Variants in ARHGAP21 observed in about 807,000 individuals in gnomAD.
The protein encoded by ARHGAP21 is rho GTPase-activating protein 21.
In ARHGAP21, 38 loss-of-function variants were observed where a neutral mutation model predicts 164.6. The observed-to-expected ratio is 0.23, with a 90% CI of 0.18 to 0.30. The LOEUF (loss-of-function observed/expected upper bound fraction) is 0.30, where lower values mean the gene tolerates loss of function less well. ARHGAP21 is among the 10% of genes least tolerant of loss of function. The pLI is 1.00. For missense variants in ARHGAP21, 1,822 were observed against 2,370.7 expected (o/e 0.77, Z 4.81); for synonymous variants, 766 against 857.9 (o/e 0.89, Z 1.87).
At chr10:24,663,978 G>A (rs1302067389) in intron 4 of ARHGAP21, among the ~76,000 whole-genome samples, 2 of 152,122 alleles carry the variant, frequency 1.3e-5, no homozygotes, top group African/African-American at 4.8e-5. Flanking sequence ...TACCTCCAGG[G>A]AGCAATATCA....
At chr10:24,688,939 C>G (rs1001638351) in intron 2 of ARHGAP21, among the ~76,000 whole-genome samples, 4 of 152,142 alleles carry the variant, frequency 2.6e-5, no homozygotes, top group African/African-American at 9.7e-5. Context: ...TAGCTTAGAA[C>G]AGAAATTCAA....
chr10:24,627,760 G>A (rs988743427), intron 7 of ARHGAP21, among the ~76,000 whole-genome samples: 1 of 152,146 alleles, frequency 6.6e-6, no homozygotes, highest in African/African-American at 2.4e-5. Flanking sequence ...TTTTCTTTAA[G>A]TGACCTCTTT....
chr10:24,593,532 C>T (rs775196507), intron 21 of ARHGAP21, among the ~76,000 whole-genome samples: 11 of 151,904 alleles, frequency 7.2e-5, no homozygotes, highest in South Asian at 2.1e-4. Flanking sequence ...CTGGTTCCTA[C>T]ATAAAACTGG....
chr10:24,592,524 A>AT (rs1371735432), intron 21 of ARHGAP21, among the ~76,000 whole-genome samples: 1 of 152,164 alleles, frequency 6.6e-6, no homozygotes, highest in Non-Finnish European at 1.5e-5. Context: ...GGAAAAAAAA[A>AT]CTTGCAGAAG....
Position 24,666,965 on chromosome 10 carries a change from TTAAAA to T in ARHGAP21, c.268+15_268+19del. ...GGGTAGAAAAACATTCAGAGATAAA[TTAAAA>T]TGTTTATAGCATACCTCCTCTGTTT... On this transcript the variant is annotated intron_variant, in intron 4 of 25. Coordinates refer to ENST00000396432, the MANE Select transcript of ARHGAP21 (RefSeq NM_020824.4). 2.1e-6 allele frequency: 3 copies of T among 1,423,634 alleles called. No homozygotes were observed. The highest frequency in any genetic ancestry group is 2.5e-5 in the South Asian group (2 of 80,700). 88.2% of individuals were successfully genotyped at this position (1,423,634 alleles called of 1,614,324 possible). A position where few individuals can be genotyped will look rare whatever the true frequency, so the allele number is the denominator to read the frequency against.
rs189169343 is a variant in ARHGAP21, at chr10:24,676,318, A to C, written c.64-5921T>G. The stretch of plus-strand genomic sequence containing the variant: ...CTTTTATTGTAGGTTCTGAGTGTAC[A>C]TGTGCAGTTTTGTTACAAAAGTGTA... On this transcript the variant is annotated intron_variant, in intron 2 of 25. Transcript: ENST00000396432. Among the ~76,000 whole-genome samples the C allele has an allele frequency of 3.9e-4, 59 of 152,348 alleles. 1 individual carries two copies. Among genetic ancestry groups the C allele is most frequent in the Admixed American group, 2.6e-4 (4 of 15,300 alleles).
intron 6 of ARHGAP21, among the ~76,000 whole-genome samples, chr10:24,631,553 A>G (rs1365336561): frequency 6.6e-6 from 1 of 152,224 alleles, no homozygotes; most frequent in Non-Finnish European, 1.5e-5. Context: ...GACAGATTTG[A>G]ATCATTATGT....
chr10:24,590,049 G>A, intron 24 of ARHGAP21: 1 of 436,604 alleles, frequency 2.3e-6, no homozygotes, highest in Non-Finnish European at 3.2e-6. Flanking sequence ...AAGAGGGTAG[G>A]AAGGGGCTAG....
intron 2 of ARHGAP21, among the ~76,000 whole-genome samples, chr10:24,696,107 A>G (rs1843147763): frequency 6.6e-6 from 1 of 152,248 alleles, no homozygotes; most frequent in African/African-American, 2.4e-5. Flanking sequence ...ATGTGAAACA[A>G]TAGTTTCCAG....
At chr10:24,721,391 G>A (rs1338966864) in intron 2 of ARHGAP21, among the ~76,000 whole-genome samples, 1 of 152,204 alleles carries the variant, frequency 6.6e-6, no homozygotes, top group Non-Finnish European at 1.5e-5. Flanking sequence ...ACCAAAGAAA[G>A]ACTAAGTTCC....
At position 24,691,335 on chromosome 10, in the gene ARHGAP21, A is replaced by G. The variant is rs183468870; in HGVS notation, c.64-20938T>C. ...CATCCACAGTTCCCTGGGGAAAGAC[A>G]GGGCTTAGACATGGAGCAATGAGGC... On this transcript the variant is annotated intron_variant, in intron 2 of 25. Coordinates refer to ENST00000396432, the MANE Select transcript of ARHGAP21 (RefSeq NM_020824.4). Among the ~76,000 whole-genome samples the G allele has an allele frequency of 3.3e-3, 505 of 152,330 alleles. 12 individuals are homozygous for G. Among genetic ancestry groups the G allele is most frequent in the Admixed American group, 0.031 (472 of 15,302 alleles).
intron 2 of ARHGAP21, among the ~76,000 whole-genome samples, chr10:24,711,525 T>G (rs1340968605): frequency 6.6e-6 from 1 of 152,222 alleles, no homozygotes; most frequent in Non-Finnish European, 1.5e-5. Flanking sequence ...AAGGATAATA[T>G]TCACGTAACT....
intron 4 of ARHGAP21, among the ~76,000 whole-genome samples, chr10:24,639,336 T>A (rs1157279140): frequency 7.9e-5 from 12 of 152,182 alleles, no homozygotes; most frequent in Admixed American, 7.9e-4. Flanking sequence ...GCCCCCAGTT[T>A]ACTGATCTGA....
chr10:24,720,330 C>T (rs1845804848), intron 2 of ARHGAP21, among the ~76,000 whole-genome samples: 1 of 151,264 alleles, frequency 6.6e-6, no homozygotes, highest in Non-Finnish European at 1.5e-5. Context: ...AAAGTATTCA[C>T]AAGACAATGA....
chr10:24,666,154 T>C (rs1178227074), intron 4 of ARHGAP21, among the ~76,000 whole-genome samples: 3 of 152,076 alleles, frequency 2.0e-5, no homozygotes, highest in Admixed American at 6.6e-5. Flanking sequence ...CTCAGCCTCC[T>C]GAGTAGCTGG....
intron 4 of ARHGAP21, among the ~76,000 whole-genome samples, chr10:24,644,912 A>G (rs1565086582): frequency 6.6e-6 from 1 of 152,240 alleles, no homozygotes; most frequent in Non-Finnish European, 1.5e-5. Context: ...GAACTCTAGA[A>G]ACAAATTTTC....
chr10:24,719,411 T>C (rs1289278948), intron 2 of ARHGAP21, among the ~76,000 whole-genome samples: 4 of 152,220 alleles, frequency 2.6e-5, no homozygotes, highest in African/African-American at 4.8e-5. Context: ...AAATCTCTGA[T>C]TGTTTTTCAA....
In ARHGAP21 at chr10:24,682,179, C is replaced by T. The variant is rs181846272; in HGVS notation, c.64-11782G>A. Among the ~76,000 whole-genome samples, 458 of 150,474 alleles carry T rather than the reference C, an allele frequency of 3.0e-3. 6 individuals are homozygous for T. The highest frequency in any genetic ancestry group is 4.2e-3 in the Non-Finnish European group (285 of 67,794). ...TTATATCAAAAACGTATTGTGATAC[C>T]ACTTTTGAGATACTTGGGAAAACAG... On this transcript the variant is annotated intron_variant, in intron 2 of 25. Coordinates refer to ENST00000396432, the MANE Select transcript of ARHGAP21 (RefSeq NM_020824.4).
chr10:24,636,409 T>C (rs963412267), intron 4 of ARHGAP21, among the ~76,000 whole-genome samples: 16 of 152,222 alleles, frequency 1.1e-4, no homozygotes, highest in Admixed American at 6.5e-4. Flanking sequence ...TCTGAGGTGA[T>C]TGTGATGCAC....
Sources: gnomAD v4.1 joint callset for allele counts (sites outside exome capture counted in the v4.1 genomes callset) on GRCh38, gnomAD v4.1.1 for gene constraint, MANE v1.5 for transcripts, NCBI Gene and HGNC (gene_info 2026-07-23, HGNC 2026-07-21) for gene names.